Variants in RASGEF1C observed in about 807,000 individuals in gnomAD.
RASGEF1C encodes the protein RasGEF domain family member 1C.
A neutral mutation model predicts 58.1 loss-of-function variants in RASGEF1C; 27 were observed. The ratio of observed to expected loss-of-function variants is 0.46; its 90% CI spans 0.34 to 0.64. The LOEUF (loss-of-function observed/expected upper bound fraction) is 0.64, where lower values mean the gene tolerates loss of function less well. Among genes scored for constraint, RASGEF1C ranks in the 30% least tolerant of loss-of-function variants. The pLI is 0.01. For synonymous variants in RASGEF1C, 243 were observed against 246.3 expected, an observed-to-expected ratio of 0.99 and a Z score of 0.13; for missense variants, 502 against 605.1, an observed-to-expected ratio of 0.83 and a Z score of 1.79.
At chr5:180,174,446 ATGTGCGTG>A (rs969666182) in intron 1 of RASGEF1C, among the ~76,000 whole-genome samples, 1 of 122,534 alleles carries the variant, frequency 8.2e-6, no homozygotes, top group African/African-American at 3.4e-5. Context: ...GTGTCTGTGC[ATGTGCGTG>A]TGTGCATGTC....
chr5:180,149,088 C>CTTTTTTTTTTTTTTTT (rs61204210), intron 1 of RASGEF1C, among the ~76,000 whole-genome samples: 8 of 110,174 alleles, frequency 7.3e-5, no homozygotes, highest in African/African-American at 2.7e-4. Flanking sequence ...CTTTTTTTTT[C>CTTTTTTTTTTTTTTTT]TTTTTTTTTT....
chr5:180,122,235 C>T (rs545737642), intron 6 of RASGEF1C, among the ~76,000 whole-genome samples: 1 of 152,212 alleles, frequency 6.6e-6, no homozygotes, highest in Non-Finnish European at 1.5e-5. Context: ...CTCCCTCACT[C>T]GGTGCTGCAG....
chr5:180,127,798 A>G, intron 5 of RASGEF1C, 115 bp from the exon 6 acceptor site: 1 of 925,028 alleles, frequency 1.1e-6, no homozygotes, highest in East Asian at 2.8e-5. Flanking sequence ...GTCACTCTGC[A>G]ACTGCCCTCC....
rs779018431 is a variant in RASGEF1C, at chr5:180,121,075, T to G, written c.789A>C (p.Ala263=). The G allele has an allele frequency of 1.9e-6, 3 of 1,613,834 alleles. No homozygotes were observed. In the South Asian group the frequency reaches 3.3e-5, roughly 18 times the overall value. Residue 263 remains alanine (A), a synonymous_variant, in exon 7 of 14, where the codon GCA becomes GCC. Coordinates refer to ENST00000361132, the MANE Select transcript of RASGEF1C (RefSeq NM_175062.4). ...KWFNRLCYLV[A]TEICMPAKKK... The stretch of plus-strand genomic sequence containing the variant: ...GTCTACTCACCATGCAGATCTCAGT[T>G]GCCACCAGGTAGCACAGCCTGTTGA...
At chr5:180,101,991 T>A (rs978930160) in intron 13 of RASGEF1C, 80 bp downstream of exon 13, 40 of 1,055,752 alleles carry the variant, frequency 3.8e-5, no homozygotes, top group Non-Finnish European at 2.9e-5. Context: ...AGTCCCCGGG[T>A]CCCACCTCGG....
At chr5:180,157,167 T>C (rs1207677849) in intron 1 of RASGEF1C, among the ~76,000 whole-genome samples, 1 of 152,234 alleles carries the variant, frequency 6.6e-6, no homozygotes, top group Non-Finnish European at 1.5e-5. Context: ...TTCTTGGTAT[T>C]TACCCAAAAG....
At chr5:180,178,277 T>A (rs1767264201) in intron 1 of RASGEF1C, among the ~76,000 whole-genome samples, 2 of 870 alleles carry the variant, frequency 2.3e-3, no homozygotes, top group Non-Finnish European at 4.1e-3. Flanking sequence ...CCGGCTGGCT[T>A]TTTTTTTTTT....
chr5:180,123,945 T>C (rs1387806406), intron 6 of RASGEF1C, among the ~76,000 whole-genome samples: 1 of 152,212 alleles, frequency 6.6e-6, no homozygotes, highest in East Asian at 1.9e-4. Flanking sequence ...TTTGGAAACT[T>C]AGGGGAAATG....
chr5:180,122,740 TAAA>T (rs35004526), intron 6 of RASGEF1C, among the ~76,000 whole-genome samples: 3 of 115,950 alleles, frequency 2.6e-5, no homozygotes, highest in Admixed American at 8.9e-5. Flanking sequence ...AAACTTCATC[TAAA>T]AAAAAAAAAA....
intron 11 of RASGEF1C, among the ~76,000 whole-genome samples, chr5:180,114,103 C>G (rs887788666): frequency 7.2e-5 from 11 of 152,176 alleles, no homozygotes. Context: ...GGTCCTGACC[C>G]CCAGGGCACA....
intron 1 of RASGEF1C, among the ~76,000 whole-genome samples, chr5:180,174,504 GTGTGCGTGCGCGTACACACGTGTGTCTC>G (rs1438266857): frequency 2.6e-5 from 4 of 150,978 alleles, no homozygotes; most frequent in Non-Finnish European, 5.9e-5. Context: ...GTGTGTCTGT[GTGTGCGTGCGCGTACACACGTGTGTCTC>G]TGTGTGTGCG....
intron 7 of RASGEF1C, 121 bp from the exon 8 acceptor site, chr5:180,119,569 A>G (rs1019158498): frequency 1.4e-6 from 1 of 716,274 alleles, no homozygotes; most frequent in Non-Finnish European, 2.4e-6. Context: ...GAGGCACTTG[A>G]GGCTCAGGGT....
At chr5:180,208,860 G>A (rs1227170812) in intron 1 of RASGEF1C, among the ~76,000 whole-genome samples, 168 bp downstream of exon 1, 1 of 150,146 alleles carries the variant, frequency 6.7e-6, no homozygotes, top group East Asian at 2.0e-4. Context: ...CTCCAGTCCC[G>A]GCGGCCGCGC....
intron 1 of RASGEF1C, among the ~76,000 whole-genome samples, chr5:180,139,310 C>A (rs1766537911): frequency 6.6e-6 from 1 of 152,250 alleles, no homozygotes; most frequent in South Asian, 2.1e-4. Flanking sequence ...TGCCAGCTCA[C>A]TGCAGGGTCT....
chr5:180,180,800 C>T lies in RASGEF1C; in HGVS notation c.-7+28228G>A, dbSNP rs532990045. Among the ~76,000 whole-genome samples the T allele has an allele frequency of 9.4e-4, 143 of 152,320 alleles. 2 individuals carry two copies. Among genetic ancestry groups the T allele is most frequent in the Non-Finnish European group, 1.7e-3 (118 of 68,036 alleles). ...GAAGCGTGCAGCTAGATGAGATCTC[C>T]GAAGTGAACCAGGCCACCAGCACCC... On this transcript the variant is annotated intron_variant, in intron 1 of 13. Coordinates refer to ENST00000361132, the MANE Select transcript of RASGEF1C (RefSeq NM_175062.4).
At chr5:180,111,305 G>A in intron 12 of RASGEF1C, 152 bp downstream of exon 12, 2 of 1,008,984 alleles carry the variant, frequency 2.0e-6, no homozygotes, top group Admixed American at 4.9e-5. Flanking sequence ...GCCAGCCAGG[G>A]GGATGGAGCC....
chr5:180,204,755 G>A (rs1351196662), intron 1 of RASGEF1C, among the ~76,000 whole-genome samples: 1 of 152,096 alleles, frequency 6.6e-6, no homozygotes, highest in Non-Finnish European at 1.5e-5. Flanking sequence ...AGGTAAGGAG[G>A]CCCACCACAT....
At chr5:180,173,707 G>A (rs1198683718) in intron 1 of RASGEF1C, among the ~76,000 whole-genome samples, 1 of 152,176 alleles carries the variant, frequency 6.6e-6, no homozygotes, top group Non-Finnish European at 1.5e-5. Flanking sequence ...AAGGTCAGGA[G>A]TTTGAGACCA....
intron 1 of RASGEF1C, among the ~76,000 whole-genome samples, chr5:180,164,862 G>T (rs1581115583): frequency 6.6e-6 from 1 of 152,200 alleles, no homozygotes; most frequent in Non-Finnish European, 1.5e-5. Flanking sequence ...ACTAAGAGAG[G>T]AGTGTTGAAG....
Sources: gnomAD v4.1 joint callset for allele counts (sites outside exome capture counted in the v4.1 genomes callset) on GRCh38, gnomAD v4.1.1 for gene constraint, MANE v1.5 for transcripts, NCBI Gene and HGNC (gene_info 2026-07-23, HGNC 2026-07-21) for gene names.